The following HABP4 variants were observed in gnomAD, a reference collection of about 807,000 sequenced individuals.
HABP4 encodes the protein intracellular hyaluronan-binding protein 4.
A neutral mutation model predicts 44.1 loss-of-function variants in HABP4; 32 were observed. The ratio of observed to expected loss-of-function variants is 0.73; its 90% CI spans 0.55 to 0.97. The LOEUF (loss-of-function observed/expected upper bound fraction) is 0.97. HABP4 is among the 50% of genes least tolerant of loss of function. The pLI, the probability that HABP4 is intolerant of heterozygous loss-of-function variation, is 0.00. For missense variants in HABP4, 503 were observed against 561.9 expected, an observed-to-expected ratio of 0.90 and a Z score of 1.06; for synonymous variants, 216 against 218.0, an observed-to-expected ratio of 0.99 and a Z score of 0.08.
At chr9:96,485,304 G>A (rs1047945128) in intron 6 of HABP4, among the ~76,000 whole-genome samples, 6 of 152,192 alleles carry the variant, frequency 3.9e-5, no homozygotes, top group Non-Finnish European at 8.8e-5. Context: ...ACCAGCCTCA[G>A]CCTTCTAAAG....
rs1832250993 is a variant in HABP4 at position 96,450,529 on chromosome 9, G to C, written c.250G>C (p.Gly84Arg). 1 of 1,232,432 alleles carries C rather than the reference G, an allele frequency of 8.1e-7. No individual in the cohort carries two copies. The highest frequency in any genetic ancestry group is 1.6e-5 in the African/African-American group (1 of 63,756). The allele number at this position is 1,232,432 out of a possible 1,614,324, so 76.3% of individuals were successfully genotyped here. ...AGCCGGGGCCTCGGGCCACAGAGCC[G>C]GCGCGGGCGGCCGGAGGGAGTCGCA... ...SPAGASGHRA[G>R]AGGRRESQKE... Residue 84 changes from glycine (G) to arginine (R), a missense_variant, in exon 1 of 8, where the codon GGC (glycine) becomes CGC (arginine). Coordinates refer to ENST00000375249, the MANE Select transcript of HABP4 (RefSeq NM_014282.4). The surrounding 1 kb of genome is among the most constrained non-coding windows in gnomAD (Gnocchi z 4.8).
rs559831645 is a variant in HABP4 at position 96,480,278 on chromosome 9, T to C, written c.828-4184T>C. 3.3e-5 allele frequency among the ~76,000 whole-genome samples: 5 copies of C among 152,314 alleles called. No homozygotes were observed. In the South Asian group the frequency reaches 1.0e-3, roughly 32 times the overall value. On this transcript the variant is annotated intron_variant, in intron 5 of 7. Coordinates refer to ENST00000375249, the MANE Select transcript of HABP4 (RefSeq NM_014282.4). ...TACACCCCTCCTTGCTTTTTTCTCATTCACTCTGGAAGGTGCTCCATAGCA... is the reference window on the plus strand; with the variant it reads ...TACACCCCTCCTTGCTTTTTTCTCACTCACTCTGGAAGGTGCTCCATAGCA...
chr9:96,458,577 AC>A, intron 2 of HABP4, 36 bp downstream of exon 2: 1 of 1,453,294 alleles, frequency 6.9e-7, no homozygotes, highest in Non-Finnish European at 9.5e-7. Context: ...CGGGTGGGGA[AC>A]CAGAAAGGTT....
Position 96,474,094 on chromosome 9 carries a change from A to G in HABP4, c.827+3000A>G, listed in dbSNP as rs138269049. Among the ~76,000 whole-genome samples the G allele has an allele frequency of 7.5e-3, 1,145 of 152,328 alleles. 8 individuals are homozygous for G. The highest frequency in any genetic ancestry group is 0.012 in the Non-Finnish European group (799 of 68,036). On this transcript the variant is annotated intron_variant, in intron 5 of 7. Coordinates refer to ENST00000375249, the MANE Select transcript of HABP4 (RefSeq NM_014282.4). ...GGCATGTAGCTAGTGCTTTATCAGT[A>G]TCTGCTCTTATTATTGTTACTTACT...
upstream of HABP4, chr9:96,450,149 C>CGGTAGGGGCCGGACAG (rs1210363580): frequency 9.5e-6 from 9 of 947,398 alleles, no homozygotes; most frequent in African/African-American, 3.5e-5. This position sits in a 1 kb window ranked among gnomAD's most constrained non-coding sequence, Gnocchi z 4.8. Context: ...GGGCGGGCGC[C>CGGTAGGGGCCGGACAG]GGTAGGGGCC....
intron 2 of HABP4, among the ~76,000 whole-genome samples, chr9:96,460,797 C>T (rs889071974): frequency 1.3e-5 from 2 of 152,142 alleles, no homozygotes; most frequent in African/African-American, 4.8e-5. Flanking sequence ...GTGTTCTCAG[C>T]GCATCGCAGT....
intron 5 of HABP4, among the ~76,000 whole-genome samples, chr9:96,480,116 A>T (rs1832850085): frequency 2.0e-5 from 3 of 152,192 alleles, no homozygotes; most frequent in South Asian, 4.1e-4. Flanking sequence ...TGGAGGTTGC[A>T]GTGAGCAGAG....
rs982185320 is a variant in HABP4 at position 96,450,670 on chromosome 9, G to A, written c.349+42G>A. 1 of 1,233,958 alleles carries A rather than the reference G, an allele frequency of 8.1e-7. No homozygotes were observed. The highest frequency in any genetic ancestry group is 3.2e-5 in the East Asian group (1 of 31,482). 76.4% of individuals were successfully genotyped at this position (1,233,958 alleles called of 1,614,324 possible). On this transcript the variant is annotated intron_variant, in intron 1 of 7. Coordinates refer to ENST00000375249, the MANE Select transcript of HABP4 (RefSeq NM_014282.4). This position sits in a 1 kb window ranked among gnomAD's most constrained non-coding sequence, Gnocchi z 4.8. The stretch of plus-strand genomic sequence containing the variant: ...GGGTTAGCGGACCACGGCTCGGCCC[G>A]CTGTGAGACTGGGGTCCCGGGGGCC...
intron 1 of HABP4, among the ~76,000 whole-genome samples, chr9:96,456,769 AAAAAAAAAAAAAT>A (rs1233129153): frequency 1.1e-4 from 7 of 65,458 alleles, no homozygotes; most frequent in East Asian, 1.0e-3. Flanking sequence ...CAAAAAAAAA[AAAAAAAAAAAAAT>A]ATATATATAT....
intron 1 of HABP4, among the ~76,000 whole-genome samples, chr9:96,456,759 C>CAAAAAAA (rs764603456): frequency 2.8e-4 from 7 of 24,730 alleles, no homozygotes; most frequent in African/African-American, 1.2e-3. Flanking sequence ...GACTCCATCT[C>CAAAAAAA]AAAAAAAAAA....
intron 5 of HABP4, among the ~76,000 whole-genome samples, chr9:96,478,590 G>A (rs34653867): frequency 0.026 from 3,875 of 151,600 alleles, 73 homozygotes; most frequent in Middle Eastern, 0.051. Flanking sequence ...ACTTGCTATG[G>A]TCAGTTTTTA....
chr9:96,452,198 G>A (rs1587766424), intron 1 of HABP4, among the ~76,000 whole-genome samples: 1 of 144,186 alleles, frequency 6.9e-6, no homozygotes, highest in African/African-American at 2.6e-5. Context: ...CTGTACTCCA[G>A]TCTGGGAGAA....
chr9:96,475,244 C>T (rs1832763805), intron 5 of HABP4, among the ~76,000 whole-genome samples: 1 of 151,890 alleles, frequency 6.6e-6, no homozygotes, highest in Non-Finnish European at 1.5e-5. Context: ...GGTATGGTAG[C>T]GGGCACCTGT....
At chr9:96,481,821 A>T (rs575088460) in intron 5 of HABP4, among the ~76,000 whole-genome samples, 1 of 152,284 alleles carries the variant, frequency 6.6e-6, no homozygotes, top group East Asian at 1.9e-4. Flanking sequence ...TTAATTTTTT[A>T]AAATTGCAGT....
chr9:96,460,279 C>G (rs919426509), intron 2 of HABP4, among the ~76,000 whole-genome samples: 1 of 151,984 alleles, frequency 6.6e-6, no homozygotes, highest in Non-Finnish European at 1.5e-5. Context: ...AAGAATTATA[C>G]GAAGAATTTC....
intron 5 of HABP4, among the ~76,000 whole-genome samples, chr9:96,479,716 G>C (rs1273580200): frequency 6.6e-6 from 1 of 151,996 alleles, no homozygotes; most frequent in African/African-American, 2.4e-5. Flanking sequence ...TCACCATGTT[G>C]GCCAGGCCTG....
chr9:96,452,926 T>G (rs1478782835), intron 1 of HABP4, among the ~76,000 whole-genome samples: 9 of 144,566 alleles, frequency 6.2e-5, no homozygotes, highest in African/African-American at 1.6e-4. Context: ...TTTTTTTTTT[T>G]TTTTTTTTTT....
chr9:96,483,319 G>T (rs1050156821), intron 5 of HABP4: 10 of 152,162 alleles, frequency 6.6e-5, no homozygotes, highest in Admixed American at 5.9e-4. Flanking sequence ...TTTTTGGGGG[G>T]AGGGTGGTCA....
intron 5 of HABP4, among the ~76,000 whole-genome samples, chr9:96,478,656 GTTT>G (rs71368270): frequency 7.1e-6 from 1 of 140,310 alleles, no homozygotes; most frequent in Admixed American, 7.2e-5. Flanking sequence ...TGTTGTCATC[GTTT>G]TTTTTTTTTT....
Sources: gnomAD v4.1 joint callset for allele counts (sites outside exome capture counted in the v4.1 genomes callset) on GRCh38, gnomAD v4.1.1 for gene constraint, Gnocchi (gnomAD v3.1) non-coding constraint, MANE v1.5 for transcripts, NCBI Gene and HGNC (gene_info 2026-07-23, HGNC 2026-07-21) for gene names.